NALF1: variants seen among roughly 807,000 people sequenced by gnomAD.
The protein encoded by NALF1 is NALCN channel auxiliary factor 1, also known as family with sequence similarity 155 member A.
Under a neutral mutation model 48.4 loss-of-function variants are expected in NALF1, and 3 were observed. That is an observed-to-expected ratio of 0.06 (90% CI 0.03 to 0.16). The LOEUF is 0.16. NALF1 is among the 10% of genes least tolerant of loss of function. The pLI, the probability that NALF1 is intolerant of heterozygous loss-of-function variation, is 1.00. For synonymous variants in NALF1, 262 were observed against 245.7 expected (o/e 1.07, Z -0.62); for missense variants, 526 against 571.5 (o/e 0.92, Z 0.81).
intron 1 of NALF1, among the ~76,000 whole-genome samples, chr13:107,624,905 T>C (rs948344476): frequency 1.3e-5 from 2 of 152,230 alleles, no homozygotes; most frequent in Non-Finnish European, 2.9e-5. Context: ...AGGTTGTATT[T>C]TTCCAGAGGA....
intron 1 of NALF1, among the ~76,000 whole-genome samples, chr13:107,728,512 C>T (rs1436221405): frequency 6.6e-6 from 1 of 151,620 alleles, no homozygotes; most frequent in East Asian, 1.9e-4. Flanking sequence ...GAGGGGAACA[C>T]CACACACCGG....
intron 1 of NALF1, among the ~76,000 whole-genome samples, chr13:107,253,344 A>C (rs951645724): frequency 1.3e-5 from 2 of 152,158 alleles, no homozygotes; most frequent in African/African-American, 4.8e-5. Context: ...TGCATTGCCC[A>C]TAAACTCAGA....
intron 1 of NALF1, among the ~76,000 whole-genome samples, chr13:107,388,315 T>C (rs1422072042): frequency 6.6e-6 from 1 of 152,194 alleles, no homozygotes; most frequent in Non-Finnish European, 1.5e-5. Context: ...GACCAAAATA[T>C]AAAAGCTTAG....
chr13:107,647,447 T>G (rs1880342358), intron 1 of NALF1, among the ~76,000 whole-genome samples: 1 of 151,504 alleles, frequency 6.6e-6, no homozygotes. Context: ...TCTTGCATGG[T>G]GTACTATGTT....
chr13:107,303,063 T>C (rs1183468117), intron 1 of NALF1, among the ~76,000 whole-genome samples: 1 of 152,200 alleles, frequency 6.6e-6, no homozygotes, highest in African/African-American at 2.4e-5. Flanking sequence ...TTTGTTGTTG[T>C]TTGATTTTGT....
At chr13:107,539,293 C>T (rs992254143) in intron 1 of NALF1, among the ~76,000 whole-genome samples, 3 of 151,936 alleles carry the variant, frequency 2.0e-5, no homozygotes, top group Non-Finnish European at 4.4e-5. Context: ...CAGAAGCAAG[C>T]GTGCAAGACA....
At chr13:107,495,754 G>T (rs530615370) in intron 1 of NALF1, among the ~76,000 whole-genome samples, 39 of 152,270 alleles carry the variant, frequency 2.6e-4, no homozygotes, top group African/African-American at 8.9e-4. Context: ...CATAGAAAAT[G>T]TGTTAAAATA....
intron 1 of NALF1, among the ~76,000 whole-genome samples, chr13:107,494,256 C>T (rs1875248571): frequency 6.6e-6 from 1 of 152,082 alleles, no homozygotes; most frequent in South Asian, 2.1e-4. Flanking sequence ...CAAATTAATT[C>T]AATAATTTGG....
chr13:107,430,368 C>T (rs1884356848), intron 1 of NALF1, among the ~76,000 whole-genome samples: 2 of 151,898 alleles, frequency 1.3e-5, no homozygotes, highest in East Asian at 1.9e-4. Flanking sequence ...TATACATGTG[C>T]CATGTTGGTG....
Position 107,503,701 on chromosome 13 carries a change from A to T in NALF1, c.916-292946T>A, listed in dbSNP as rs184833018. Among the ~76,000 whole-genome samples, 7 of 151,620 alleles carry T rather than the reference A, an allele frequency of 4.6e-5. No homozygotes were observed. The South Asian group carries it at 8.4e-4, about 18-fold the overall frequency. On this transcript the variant is annotated intron_variant, in intron 1 of 2. Coordinates refer to ENST00000375915, the MANE Select transcript of NALF1 (RefSeq NM_001080396.3). ...AAGCCAAGATATGGAAACAACCTAA[A>T]TGTCCATCCGTGGGCAAATGAATAA...
chr13:107,581,735 C>T (rs1878317421), intron 1 of NALF1, among the ~76,000 whole-genome samples: 1 of 152,146 alleles, frequency 6.6e-6, no homozygotes, highest in African/African-American at 2.4e-5. Flanking sequence ...GCATCTATTA[C>T]AACTAGCAAA....
chr13:107,472,315 C>T (rs1336841060), intron 1 of NALF1, among the ~76,000 whole-genome samples: 11 of 152,106 alleles, frequency 7.2e-5, no homozygotes, highest in Admixed American at 2.6e-4. Context: ...GGCAACAGAG[C>T]GAGACTCCCT....
intron 1 of NALF1, among the ~76,000 whole-genome samples, chr13:107,264,623 G>A (rs1446066731): frequency 6.6e-6 from 1 of 152,088 alleles, no homozygotes; most frequent in Non-Finnish European, 1.5e-5. Context: ...CATCAGTTTC[G>A]ACCCCTTGCC....
intron 1 of NALF1, among the ~76,000 whole-genome samples, chr13:107,710,854 GAT>G (rs1239372414): frequency 1.3e-5 from 2 of 148,684 alleles, no homozygotes; most frequent in African/African-American, 5.0e-5. Flanking sequence ...AATATACACA[GAT>G]ATGTGTATAT....
chr13:107,391,949 A>G (rs747930739), intron 1 of NALF1, among the ~76,000 whole-genome samples: 4 of 152,126 alleles, frequency 2.6e-5, no homozygotes, highest in Non-Finnish European at 5.9e-5. Flanking sequence ...CTCAGAATAA[A>G]TCTCTTAAAA....
intron 1 of NALF1, among the ~76,000 whole-genome samples, chr13:107,709,302 C>T (rs537115273): frequency 6.6e-5 from 10 of 152,078 alleles, no homozygotes; most frequent in South Asian, 2.1e-4. Context: ...AAATTTTCTA[C>T]GGCAGAAGAG....
At chr13:107,828,128 A>G (rs1251700096) in intron 1 of NALF1, among the ~76,000 whole-genome samples, 1 of 152,192 alleles carries the variant, frequency 6.6e-6, no homozygotes, top group African/African-American at 2.4e-5. Flanking sequence ...TCATTTGGGC[A>G]GTTTTCAGCT....
At chr13:107,812,311 T>C (rs998241894) in intron 1 of NALF1, among the ~76,000 whole-genome samples, 4 of 152,128 alleles carry the variant, frequency 2.6e-5, no homozygotes, top group South Asian at 2.1e-4. Context: ...ATGAATTAAA[T>C]GTTTTTATTA....
At chr13:107,716,520 A>G (rs1235813982) in intron 1 of NALF1, among the ~76,000 whole-genome samples, 1 of 152,148 alleles carries the variant, frequency 6.6e-6, no homozygotes, top group African/African-American at 2.4e-5. Flanking sequence ...ACATTTACAG[A>G]CAAATTTGTT....
Sources: gnomAD v4.1 joint callset for allele counts (sites outside exome capture counted in the v4.1 genomes callset) on GRCh38, gnomAD v4.1.1 for gene constraint, MANE v1.5 for transcripts, NCBI Gene and HGNC (gene_info 2026-07-23, HGNC 2026-07-21) for gene names.